Variants in CERS6 observed in about 807,000 individuals in gnomAD.
CERS6 encodes ceramide synthase 6, also known as LAG1 homolog, ceramide synthase 6.
CERS6 carries 26 observed loss-of-function variants against 56.8 expected under a neutral mutation model. That is an observed-to-expected ratio of 0.46 (90% CI 0.34 to 0.63). The LOEUF is 0.63. CERS6 is among the 30% of genes least tolerant of loss of function. The pLI, the probability that CERS6 is intolerant of heterozygous loss-of-function variation, is 0.01. For synonymous variants in CERS6, 164 were observed against 173.3 expected (o/e 0.95, Z 0.42); for missense variants, 415 against 467.5 (o/e 0.89, Z 1.04).
intron 1 of CERS6, among the ~76,000 whole-genome samples, chr2:168,482,435 C>T (rs1190464407): frequency 6.6e-6 from 1 of 152,210 alleles, no homozygotes; most frequent in African/African-American, 2.4e-5. Context: ...GTGCCTCTCA[C>T]CTAGTTCAGG....
chr2:168,713,148 A>G (rs764745219), intron 6 of CERS6, among the ~76,000 whole-genome samples: 9 of 152,292 alleles, frequency 5.9e-5, no homozygotes, highest in South Asian at 2.1e-4. Flanking sequence ...TAAATGCTCA[A>G]TCACTATTTT....
intron 1 of CERS6, among the ~76,000 whole-genome samples, chr2:168,524,218 T>A (rs76432303): frequency 0.012 from 1,847 of 152,314 alleles, 46 homozygotes; most frequent in African/African-American, 0.042. Context: ...ACTTTCTTAG[T>A]GTGATGTGAT....
chr2:168,547,003 A>C (rs899006499), intron 1 of CERS6, among the ~76,000 whole-genome samples: 1 of 152,202 alleles, frequency 6.6e-6, no homozygotes. Flanking sequence ...GCGACTTTTC[A>C]TCTTGTCTGG....
chr2:168,527,353 C>T (rs922338386), intron 1 of CERS6, among the ~76,000 whole-genome samples: 15 of 152,090 alleles, frequency 9.9e-5, no homozygotes, highest in African/African-American at 3.4e-4. Flanking sequence ...TTGTTGCAGT[C>T]GATTAACCTA....
At chr2:168,754,337 C>G (rs1351646689) in intron 8 of CERS6, among the ~76,000 whole-genome samples, 1 of 152,204 alleles carries the variant, frequency 6.6e-6, no homozygotes, top group Admixed American at 6.5e-5. Context: ...AGTATATATA[C>G]TTTACATAAC....
At chr2:168,523,948 A>G (rs555919071) in intron 1 of CERS6, among the ~76,000 whole-genome samples, 1 of 152,288 alleles carries the variant, frequency 6.6e-6, no homozygotes, top group Admixed American at 6.5e-5. Context: ...TGAAAATATA[A>G]CTTAGTGTCC....
At chr2:168,733,710 C>T (rs556818474) in intron 8 of CERS6, among the ~76,000 whole-genome samples, 3 of 152,124 alleles carry the variant, frequency 2.0e-5, no homozygotes, top group African/African-American at 2.4e-5. Context: ...TTTTTCCAGT[C>T]ATAACAAAAG....
At position 168,734,604 on chromosome 2, in the gene CERS6, A is replaced by G. The variant is rs578191781; in HGVS notation, c.845+16626A>G. On this transcript the variant is annotated intron_variant, in intron 8 of 9. Coordinates refer to ENST00000305747, the MANE Select transcript of CERS6 (RefSeq NM_203463.3). ...TCAGCATGGCTGTATTTGGCCATCT[A>G]TCAGTAGTCAACGGTTAATCAGACT... Among the ~76,000 whole-genome samples, 24 of 152,306 alleles carry G rather than the reference A, an allele frequency of 1.6e-4. No individual in the cohort carries two copies. In the South Asian group the frequency reaches 3.1e-3, roughly 20 times the overall value.
At chr2:168,469,723 T>C (rs768939092) in intron 1 of CERS6, among the ~76,000 whole-genome samples, 7 of 152,170 alleles carry the variant, frequency 4.6e-5, no homozygotes, top group Non-Finnish European at 1.0e-4. Context: ...ACAGAATTGA[T>C]AGAAGTGATA....
chr2:168,602,291 A>G (rs1683952386), intron 3 of CERS6, among the ~76,000 whole-genome samples: 1 of 152,238 alleles, frequency 6.6e-6, no homozygotes, highest in South Asian at 2.1e-4. Flanking sequence ...TTTAAAAAAT[A>G]TGTCTGAGTG....
intron 1 of CERS6, among the ~76,000 whole-genome samples, chr2:168,537,850 T>C (rs1390763014): frequency 6.6e-6 from 1 of 152,188 alleles, no homozygotes; most frequent in African/African-American, 2.4e-5. Flanking sequence ...ATAAGCCTAG[T>C]AGCCTAATAA....
intron 8 of CERS6, among the ~76,000 whole-genome samples, chr2:168,759,855 T>C (rs1290141054): frequency 6.6e-6 from 1 of 151,936 alleles, no homozygotes; most frequent in Non-Finnish European, 1.5e-5. Flanking sequence ...AGAACCCTGA[T>C]ATTATAGTAA....
chr2:168,738,155 T>C (rs1683771892), intron 8 of CERS6, among the ~76,000 whole-genome samples: 2 of 152,190 alleles, frequency 1.3e-5, no homozygotes, highest in Non-Finnish European at 2.9e-5. Flanking sequence ...ATATACAGGG[T>C]GAGAGACTCA....
chr2:168,514,080 G>A (rs1273931886), intron 1 of CERS6, among the ~76,000 whole-genome samples: 1 of 152,186 alleles, frequency 6.6e-6, no homozygotes, highest in African/African-American at 2.4e-5. Flanking sequence ...TTACGGTGTT[G>A]TTATTTGCCA....
intron 8 of CERS6, among the ~76,000 whole-genome samples, chr2:168,741,745 G>A (rs1005347761): frequency 3.9e-5 from 6 of 152,180 alleles, no homozygotes; most frequent in Non-Finnish European, 8.8e-5. Flanking sequence ...GCTCAGGCAG[G>A]CATGCTGTAA....
chr2:168,764,860 A>G (rs1180057602), intron 8 of CERS6, among the ~76,000 whole-genome samples: 1 of 152,216 alleles, frequency 6.6e-6, no homozygotes, highest in African/African-American at 2.4e-5. Flanking sequence ...ATATGATCCA[A>G]CAATTCCACT....
chr2:168,532,204 A>G (rs1695181638), intron 1 of CERS6, among the ~76,000 whole-genome samples: 1 of 152,090 alleles, frequency 6.6e-6, no homozygotes, highest in African/African-American at 2.4e-5. Context: ...ATCCTCCCCT[A>G]TCTCTGTCCC....
chr2:168,493,543 A>G (rs1346579023), intron 1 of CERS6, among the ~76,000 whole-genome samples: 1 of 152,236 alleles, frequency 6.6e-6, no homozygotes, highest in Middle Eastern at 3.2e-3. Context: ...GGAGCAAGAC[A>G]GACCCCATCT....
intron 4 of CERS6, among the ~76,000 whole-genome samples, chr2:168,654,995 CA>C (rs983550218): frequency 6.6e-6 from 1 of 152,056 alleles, no homozygotes; most frequent in Non-Finnish European, 1.5e-5. Flanking sequence ...CAGTCATGCA[CA>C]AAAGCCTTTA....
Sources: gnomAD v4.1 joint callset for allele counts (sites outside exome capture counted in the v4.1 genomes callset) on GRCh38, gnomAD v4.1.1 for gene constraint, MANE v1.5 for transcripts, NCBI Gene and HGNC (gene_info 2026-07-23, HGNC 2026-07-21) for gene names.